The following CPA3 variants were observed in gnomAD, a reference collection of about 807,000 sequenced individuals.
The protein encoded by CPA3 is carboxypeptidase A3, also known as mast cell carboxypeptidase A.
In CPA3, 52 loss-of-function variants were observed where a neutral mutation model predicts 55.8. The observed-to-expected ratio is 0.93, with a 90% CI of 0.75 to 1.17. The LOEUF (loss-of-function observed/expected upper bound fraction) is 1.17. CPA3 is among the 50% of genes most tolerant of loss of function. The pLI, the probability that CPA3 is intolerant of heterozygous loss-of-function variation, is 0.00. For synonymous variants in CPA3, 179 were observed against 171.2 expected (o/e 1.05, Z -0.36); for missense variants, 547 against 509.1 (o/e 1.07, Z -0.72).
chr3:148,881,985 G>C (rs1380283331), intron 7 of CPA3, among the ~76,000 whole-genome samples: 6 of 152,116 alleles, frequency 3.9e-5, no homozygotes, highest in African/African-American at 9.7e-5. Flanking sequence ...AATAGAATTT[G>C]AGGTAGAATC....
intron 5 of CPA3, among the ~76,000 whole-genome samples, chr3:148,879,346 T>C (rs1197305004): frequency 6.6e-6 from 1 of 152,168 alleles, no homozygotes; most frequent in Non-Finnish European, 1.5e-5. Context: ...GCCATTCAAG[T>C]ATCCAGTACT....
chr3:148,878,654 C>A lies in CPA3; in HGVS notation c.380C>A (p.Ala127Asp). ...ATTGATTTTGCTCTTAAGATTGTGG[C>A]TTGGACTGAAAAGATGATGGATAAG... is the stretch of plus-strand genomic sequence containing the variant. ...AKYNNWEKIV[A>D]WTEKMMDKYP... The change falls in exon 5 of 11, where the codon GCT (alanine) becomes GAT (aspartate). Residue 127 changes from alanine to aspartate, a missense_variant. Physicochemically the swap from Ala to Asp is moderately radical, Grantham distance 126 (BLOSUM62 -2). Transcript: ENST00000296046. The A allele has an allele frequency of 6.2e-7, 1 of 1,607,814 alleles. No homozygotes were observed. Among genetic ancestry groups the A allele is most frequent in the Non-Finnish European group, 8.5e-7 (1 of 1,176,236 alleles).
chr3:148,891,320 C>T (rs1391265518), intron 10 of CPA3, among the ~76,000 whole-genome samples: 1 of 152,026 alleles, frequency 6.6e-6, no homozygotes, highest in African/African-American at 2.4e-5. Flanking sequence ...TCATGTTAAA[C>T]AAATTAAGTT....
In CPA3 at chr3:148,868,896, A is replaced by G; in HGVS notation, c.145-19A>G. The stretch of plus-strand genomic sequence containing the variant: ...GGTAAGCAAATAAACTCTGACTAAC[A>G]TTGAGCTTATCTCTGCAGCTTGACT... On this transcript the variant is annotated intron_variant, in intron 2 of 10. Transcript: ENST00000296046. The G allele has an allele frequency of 1.9e-6, 3 of 1,611,710 alleles. No individual in the cohort carries two copies. The highest frequency in any genetic ancestry group is 2.5e-6 in the Non-Finnish European group (3 of 1,179,290).
At chr3:148,870,959 C>T (rs1272396530) in intron 3 of CPA3, among the ~76,000 whole-genome samples, 9 of 152,202 alleles carry the variant, frequency 5.9e-5, no homozygotes, top group Non-Finnish European at 1.2e-4. Flanking sequence ...AGTGCAGTGG[C>T]GCAATCTGGG....
rs749389267 is a variant in CPA3, at chr3:148,896,542, A to C, written c.1089A>C (p.Leu363Phe). 6.5e-7 allele frequency: 1 copy of C among 1,531,566 alleles called. No individual in the cohort carries two copies. Among genetic ancestry groups the C allele is most frequent in the South Asian group, 1.2e-5 (1 of 80,562 alleles). 94.9% of individuals were successfully genotyped at this position (1,531,566 alleles called of 1,614,324 possible). Residue 363 changes from leucine (L) to phenylalanine (F), a missense_variant, in exon 11 of 11, where the codon TTA becomes TTC. Transcript: ENST00000296046. Reference protein sequence around the residue: ...STIYPISGSSLDWAYDLGIKH... With the variant: ...STIYPISGSSFDWAYDLGIKH... ...CAGACCCGATATCAGGTTCTTCTTTAGACTGGGCTTATGACCTGGGCATCA... is the reference window on the plus strand; with the variant it reads ...CAGACCCGATATCAGGTTCTTCTTTCGACTGGGCTTATGACCTGGGCATCA...
At chr3:148,891,081 A>G (rs925577319) in intron 10 of CPA3, among the ~76,000 whole-genome samples, 28 of 152,130 alleles carry the variant, frequency 1.8e-4, no homozygotes, top group African/African-American at 6.8e-4. Flanking sequence ...TCGACCATCT[A>G]CTAGCTATGT....
chr3:148,883,570 A>T, intron 8 of CPA3, 43 bp from the exon 9 acceptor site: 1 of 1,501,890 alleles, frequency 6.7e-7, no homozygotes, highest in Non-Finnish European at 9.2e-7. Flanking sequence ...AGCTATATGG[A>T]TGGGGAGCAG....
At chr3:148,881,816 T>C (rs956095922) in intron 7 of CPA3, among the ~76,000 whole-genome samples, 184 bp downstream of exon 7, 17 of 152,194 alleles carry the variant, frequency 1.1e-4, no homozygotes, top group African/African-American at 4.1e-4. Flanking sequence ...TGAAATAATA[T>C]AAAATTTTTG....
intron 7 of CPA3, 141 bp downstream of exon 7, chr3:148,881,773 T>C: frequency 2.1e-6 from 1 of 469,548 alleles, no homozygotes; most frequent in East Asian, 3.4e-5. Flanking sequence ...CAGTTTCAAA[T>C]TAAGTATGAT....
intron 10 of CPA3, among the ~76,000 whole-genome samples, chr3:148,890,691 A>C (rs2108039523): frequency 6.6e-6 from 1 of 152,332 alleles, no homozygotes; most frequent in South Asian, 2.1e-4. Flanking sequence ...TATTGAATAC[A>C]TTTAAATAAT....
chr3:148,893,833 G>A (rs548069903), intron 10 of CPA3, among the ~76,000 whole-genome samples: 11 of 152,306 alleles, frequency 7.2e-5, no homozygotes, highest in Admixed American at 4.6e-4. Context: ...GATTTTTCAT[G>A]TGAAACCATG....
In CPA3 at chr3:148,878,438, C is replaced by T. The variant is rs1261299199; in HGVS notation, c.270-3C>T. On this transcript the variant is annotated splice_region_variant and splice_polypyrimidine_tract_variant and intron_variant, in intron 3 of 10. Transcript: ENST00000296046. Reference sequence around the variant, plus strand: ...TGTATTTTATCATTCCCCTGTCAAACAGAATCTTGATTCATGATCTACAAG... The same window carrying T: ...TGTATTTTATCATTCCCCTGTCAAATAGAATCTTGATTCATGATCTACAAG... 6.3e-7 allele frequency: 1 copy of T among 1,588,884 alleles called. No homozygotes were observed. The highest frequency in any genetic ancestry group is 1.7e-5 in the Admixed American group (1 of 59,924).
In CPA3 at chr3:148,896,523, C is replaced by T. The variant is rs977154600; in HGVS notation, c.1070C>T (p.Pro357Leu). The change falls in exon 11 of 11, where the codon CCG (proline) becomes CTG (leucine). Residue 357 changes from proline (P) to leucine (L), a missense_variant. Coordinates refer to ENST00000296046, the MANE Select transcript of CPA3 (RefSeq NM_001870.4). The stretch of plus-strand genomic sequence containing the variant: ...ATTTACTGCTTGTGTTTTACAGACC[C>T]GATATCAGGTTCTTCTTTAGACTGG... ...IYGPIESTIY[P>L]ISGSSLDWAY... The T allele has an allele frequency of 4.0e-6, 6 of 1,509,264 alleles. No individual in the cohort carries two copies. Among genetic ancestry groups the T allele is most frequent in the African/African-American group, 2.7e-5 (2 of 73,256 alleles). The allele number at this position is 1,509,264 out of a possible 1,614,324, so 93.5% of individuals were successfully genotyped here. A position where few individuals can be genotyped will look rare whatever the true frequency, so the allele number is the denominator to read the frequency against.
chr3:148,867,110 AAACTACC>A (rs761921784), intron 2 of CPA3, among the ~76,000 whole-genome samples: 7 of 152,166 alleles, frequency 4.6e-5, no homozygotes, highest in Non-Finnish European at 1.0e-4. Context: ...ATGATCTGCC[AAACTACC>A]AGCCTCTTCA....
chr3:148,865,547 A>T lies in CPA3; in HGVS notation c.143A>T (p.Glu48Val). 1 of 1,613,160 alleles carries T rather than the reference A, an allele frequency of 6.2e-7. No individual in the cohort carries two copies. The highest frequency in any genetic ancestry group is 8.5e-7 in the Non-Finnish European group (1 of 1,179,370). Reference protein sequence around the residue: ...DIIKDLAKTNELDFWYPGATH... With the variant: ...DIIKDLAKTNVLDFWYPGATH... ...ATAAAGGACTTGGCCAAAACCAATG[A>T]GGTAAGCATTTAGAGGGATATTTTA... The change falls in exon 2 of 11, where the codon GAG becomes GTG. Residue 48 changes from glutamate to valine, a missense_variant and splice_region_variant. By Grantham distance (121) the Glu-to-Val change is moderately radical. Transcript: ENST00000296046.
intron 10 of CPA3, among the ~76,000 whole-genome samples, chr3:148,893,130 A>G (rs942936082): frequency 6.6e-6 from 1 of 152,176 alleles, no homozygotes; most frequent in Non-Finnish European, 1.5e-5. Flanking sequence ...ATCGCTTGTA[A>G]TACTAAAAAC....
chr3:148,891,493 CACACACACACACACACACAT>C (rs1714670799), intron 10 of CPA3, among the ~76,000 whole-genome samples: 1 of 149,594 alleles, frequency 6.7e-6, no homozygotes, highest in African/African-American at 2.5e-5. Flanking sequence ...CACACACACA[CACACACACACACACACACAT>C]ACACACACAC....
At chr3:148,866,587 G>A (rs78801433) in intron 2 of CPA3, among the ~76,000 whole-genome samples, 5 of 152,236 alleles carry the variant, frequency 3.3e-5, no homozygotes, top group East Asian at 1.9e-4. Context: ...CAAGCTCTAC[G>A]CTAGCTCTGT....
Sources: gnomAD v4.1 joint callset for allele counts (sites outside exome capture counted in the v4.1 genomes callset) on GRCh38, gnomAD v4.1.1 for gene constraint, MANE v1.5 for transcripts, NCBI Gene and HGNC (gene_info 2026-07-23, HGNC 2026-07-21) for gene names.